The following CDH1 variants were observed in gnomAD, a reference collection of about 807,000 sequenced individuals.
CDH1 encodes the protein cadherin-1.
CDH1 carries 35 observed loss-of-function variants against 84.5 expected under a neutral mutation model. That is an observed-to-expected ratio of 0.41 (90% confidence interval 0.32 to 0.55). The LOEUF is 0.55. Ranked by LOEUF, CDH1 falls within the 20% of genes least tolerant of loss-of-function variation. The probability of loss-of-function intolerance (pLI) is 0.19; values close to 1 mark genes in which losing one functional copy is unlikely to be tolerated. For missense variants in CDH1, 994 were observed against 1,126.6 expected (o/e 0.88, Z 1.68); for synonymous variants, 417 against 439.0 (o/e 0.95, Z 0.63).
chr16:68,744,647 A>G (rs2152116081), intron 2 of CDH1, among the ~76,000 whole-genome samples: 1 of 152,240 alleles, frequency 6.6e-6, no homozygotes, highest in African/African-American at 2.4e-5. Flanking sequence ...CAAATTCAGA[A>G]GGTTCTTGAA....
chr16:68,824,250 G>C (rs992512085), intron 13 of CDH1, among the ~76,000 whole-genome samples: 6 of 152,142 alleles, frequency 3.9e-5, no homozygotes, highest in Admixed American at 2.6e-4. Flanking sequence ...ACCCGCCTCA[G>C]CCTCCCAAAG....
chr16:68,808,644 G>A (rs755787580), intron 4 of CDH1, 49 bp from the exon 5 acceptor site: 3 of 1,613,332 alleles, frequency 1.9e-6, no homozygotes, highest in Non-Finnish European at 2.5e-6. Flanking sequence ...AAAAGACCCA[G>A]TGTTGGGATC....
At chr16:68,789,206 T>C (rs2152123409) in intron 2 of CDH1, among the ~76,000 whole-genome samples, 1 of 152,142 alleles carries the variant, frequency 6.6e-6, no homozygotes, top group East Asian at 1.9e-4. Flanking sequence ...TTTTTGTATT[T>C]TTTGTAGAGA....
chr16:68,760,032 A>G (rs1259629822), intron 2 of CDH1, among the ~76,000 whole-genome samples: 1 of 149,948 alleles, frequency 6.7e-6, no homozygotes, highest in Non-Finnish European at 1.5e-5. Flanking sequence ...TTAAAATTCT[A>G]GTTTTCCACA....
At chr16:68,828,047 T>C (rs1961366240) in intron 13 of CDH1, 127 bp from the exon 14 acceptor site, 6 of 982,458 alleles carry the variant, frequency 6.1e-6, no homozygotes, top group South Asian at 1.3e-5. Context: ...TTCAAGTGTA[T>C]TGAAGGCAGC....
chr16:68,818,011 G>A (rs1445187263), intron 10 of CDH1, among the ~76,000 whole-genome samples: 1 of 151,874 alleles, frequency 6.6e-6, no homozygotes, highest in Non-Finnish European at 1.5e-5. Context: ...GGCCGAGATG[G>A]GTGGATCATC....
chr16:68,797,722 TA>T (rs1481719176), intron 2 of CDH1, among the ~76,000 whole-genome samples: 2 of 152,176 alleles, frequency 1.3e-5, no homozygotes, highest in Non-Finnish European at 2.9e-5. Flanking sequence ...AAATAGTTCA[TA>T]AAAGCTAATT....
intron 2 of CDH1, among the ~76,000 whole-genome samples, chr16:68,788,562 A>G (rs1048798740): frequency 1.3e-5 from 2 of 152,196 alleles, no homozygotes; most frequent in African/African-American, 2.4e-5. Context: ...TTTAAGGTTC[A>G]TCTATGCTAC....
intron 2 of CDH1, among the ~76,000 whole-genome samples, chr16:68,753,541 G>A (rs139713445): frequency 1.1e-4 from 17 of 151,870 alleles, no homozygotes; most frequent in African/African-American, 3.4e-4. Context: ...GTTTCACCGT[G>A]TTACCCAGGA....
At position 68,743,692 on chromosome 16, in the gene CDH1, G is replaced by C. The variant is rs116607960; in HGVS notation, c.163+5281G>C. 9.5e-3 allele frequency among the ~76,000 whole-genome samples: 1,443 copies of C among 152,094 alleles called. 24 individuals are homozygous for C. Among genetic ancestry groups the C allele is most frequent in the African/African-American group, 0.033 (1,348 of 41,468 alleles). On this transcript the variant is annotated intron_variant, in intron 2 of 15. Coordinates refer to ENST00000261769, the MANE Select transcript of CDH1 (RefSeq NM_004360.5). ...CTTCCTGGGTTTCTATCCTGCCTCAGCTCTATCTCCTTTGAGGGCACAAGG... is the reference window on the plus strand; with the variant it reads ...CTTCCTGGGTTTCTATCCTGCCTCACCTCTATCTCCTTTGAGGGCACAAGG...
chr16:68,815,741 T>C lies in CDH1; in HGVS notation c.1547T>C (p.Phe516Ser). 6.2e-7 allele frequency: 1 copy of C among 1,614,264 alleles called. No homozygotes were observed. The highest frequency in any genetic ancestry group is 8.5e-7 in the Non-Finnish European group (1 of 1,180,046). Reference protein sequence around the residue: ...TSYTAQEPDTFMEQKITYRIW... With the variant: ...TSYTAQEPDTSMEQKITYRIW... ...TACACTGCCCAGGAGCCAGACACAT[T>C]TATGGAACAGAAAATAACGTAAGTG... The change falls in exon 10 of 16, where the codon TTT becomes TCT. Residue 516 changes from phenylalanine to serine, a missense_variant. Phe to Ser is a radical substitution (Grantham distance 155). Coordinates refer to ENST00000261769, the MANE Select transcript of CDH1 (RefSeq NM_004360.5).
intron 2 of CDH1, among the ~76,000 whole-genome samples, chr16:68,741,539 G>T (rs1962562343): frequency 6.6e-6 from 1 of 151,882 alleles, no homozygotes; most frequent in Non-Finnish European, 1.5e-5. Flanking sequence ...GGGGACTTTG[G>T]AGTGTTTGCT....
chr16:68,758,728 A>G (rs948257315), intron 2 of CDH1, among the ~76,000 whole-genome samples: 4 of 151,584 alleles, frequency 2.6e-5, no homozygotes, highest in African/African-American at 4.8e-5. Flanking sequence ...AGTATGAGGA[A>G]GAGTGATACC....
intron 2 of CDH1, among the ~76,000 whole-genome samples, chr16:68,800,382 C>T (rs917103523): frequency 1.3e-5 from 2 of 152,052 alleles, no homozygotes; most frequent in African/African-American, 4.8e-5. Flanking sequence ...CCCCTCTCAC[C>T]CCCAAACGTG....
intron 14 of CDH1, among the ~76,000 whole-genome samples, chr16:68,829,394 T>C (rs1377676540): frequency 2.0e-5 from 3 of 152,184 alleles, no homozygotes; most frequent in African/African-American, 7.2e-5. Flanking sequence ...CTAATCATCA[T>C]GTCCTATGAA....
At chr16:68,748,545 C>T (rs1174165492) in intron 2 of CDH1, among the ~76,000 whole-genome samples, 4 of 152,218 alleles carry the variant, frequency 2.6e-5, no homozygotes, top group Admixed American at 2.6e-4. Context: ...GATAGATAGA[C>T]ACTGGGTAGT....
intron 2 of CDH1, chr16:68,770,995 A>G (rs1257502385): frequency 3.3e-5 from 5 of 150,100 alleles, no homozygotes; most frequent in African/African-American, 7.4e-5. Context: ...GTCAGGTTCC[A>G]TAGGAATCCT....
intron 2 of CDH1, among the ~76,000 whole-genome samples, chr16:68,760,010 C>G (rs539276190): frequency 1.2e-3 from 181 of 151,908 alleles, no homozygotes; most frequent in African/African-American, 3.9e-3. Flanking sequence ...TCCACCGTGC[C>G]CGGCTGAGTT....
intron 2 of CDH1, among the ~76,000 whole-genome samples, chr16:68,790,183 C>T (rs893478934): frequency 6.6e-6 from 1 of 152,130 alleles, no homozygotes; most frequent in East Asian, 1.9e-4. Flanking sequence ...TAAGCCTTAC[C>T]AATGTCTGTG....
Sources: gnomAD v4.1 joint callset for allele counts (sites outside exome capture counted in the v4.1 genomes callset) on GRCh38, gnomAD v4.1.1 for gene constraint, MANE v1.5 for transcripts, NCBI Gene and HGNC (gene_info 2026-07-23, HGNC 2026-07-21) for gene names.